Variants in FBLN7 observed in about 807,000 individuals in gnomAD.
The protein encoded by FBLN7 is fibulin 7.
FBLN7 carries 31 observed loss-of-function variants against 44.0 expected under a neutral mutation model. The ratio of observed to expected loss-of-function variants is 0.70; its 90% CI spans 0.53 to 0.95. The LOEUF (loss-of-function observed/expected upper bound fraction) is 0.95, where lower values mean the gene tolerates loss of function less well. FBLN7 is among the 40% of genes least tolerant of loss of function. The pLI, the probability that FBLN7 is intolerant of heterozygous loss-of-function variation, is 0.00. For missense variants in FBLN7, 573 were observed against 618.5 expected (o/e 0.93, Z 0.78); for synonymous variants, 262 against 253.4 (o/e 1.03, Z -0.32).
the FBLN7 span, among the ~76,000 whole-genome samples, chr2:112,200,071 C>T: frequency 6.6e-6 from 1 of 152,184 alleles, no homozygotes; most frequent in Non-Finnish European, 1.5e-5. Context: ...CATATGCAAC[C>T]TCTTTTGCTG....
the FBLN7 span, chr2:112,211,458 T>G: frequency 6.6e-6 from 1 of 152,292 alleles, no homozygotes; most frequent in East Asian, 1.9e-4. Context: ...GAACCACTCT[T>G]TTTCATTGAA....
chr2:112,197,883 A>G, the FBLN7 span, among the ~76,000 whole-genome samples: 1 of 152,194 alleles, frequency 6.6e-6, no homozygotes, highest in South Asian at 2.1e-4. Flanking sequence ...TTTCTGAAAA[A>G]GACATGGACT....
At chr2:112,200,309 T>G in the FBLN7 span, among the ~76,000 whole-genome samples, 2 of 152,156 alleles carry the variant, frequency 1.3e-5, no homozygotes, top group Non-Finnish European at 2.9e-5. Context: ...CAGGAGGAAC[T>G]GTGCAGAGCC....
the FBLN7 span, chr2:112,213,959 T>G: frequency 6.9e-6 from 1 of 145,646 alleles, no homozygotes; most frequent in Non-Finnish European, 1.5e-5. Flanking sequence ...TTTTTTTTTT[T>G]TTTTTTGAGA....
rs1025935167 is a variant in FBLN7, at chr2:112,152,715, C to T, written c.76-6961C>T. ...GTTGGGCCTCCACACTGCCTTCTGC[C>T]TTTGACCTTGAGCTGCAGCATCACC... On this transcript the variant is annotated intron_variant, in intron 1 of 7. Transcript: ENST00000331203. 3.9e-5 allele frequency: 6 copies of T among 152,184 alleles called. No homozygotes were observed. In the South Asian group the frequency reaches 1.2e-3, roughly 32 times the overall value. 9.4% of individuals were successfully genotyped at this position (152,184 alleles called of 1,614,324 possible).
intron 2 of FBLN7, among the ~76,000 whole-genome samples, chr2:112,160,545 G>A (rs1573789112): frequency 6.6e-6 from 1 of 152,232 alleles, no homozygotes; most frequent in South Asian, 2.1e-4. Context: ...TTTCATTTTT[G>A]ATTTTACTTT....
chr2:112,175,602 G>A, intron 3 of FBLN7, 112 bp from the exon 4 acceptor site: 1 of 1,384,028 alleles, frequency 7.2e-7, no homozygotes, highest in South Asian at 1.3e-5. Context: ...CAGGTAGAAA[G>A]TGGGAGTTCT....
At position 112,175,728 on chromosome 2, in the gene FBLN7, T is replaced by C; in HGVS notation, c.421T>C (p.Ser141Pro). Residue 141 changes from serine (S) to proline (P), a missense_variant, in exon 4 of 8, where the codon TCC (serine) becomes CCC (proline). Ser to Pro is a moderately conservative substitution (Grantham distance 74, BLOSUM62 -1). Coordinates refer to ENST00000331203, the MANE Select transcript of FBLN7 (RefSeq NM_153214.3). ...QPHCRGISEC[S>P]SQPCQNGGTC... ...TATCTTCCTAGGTATCAGTGAATGC[T>C]CCAGCCAGCCTTGTCAAAATGGTGG... 1 of 1,614,222 alleles carries C rather than the reference T, an allele frequency of 6.2e-7. No individual in the cohort carries two copies. Among genetic ancestry groups the C allele is most frequent in the Non-Finnish European group, 8.5e-7 (1 of 1,180,032 alleles).
intron 1 of FBLN7, among the ~76,000 whole-genome samples, chr2:112,139,050 C>T (rs1388986704): frequency 1.3e-5 from 1 of 74,088 alleles, no homozygotes; most frequent in Non-Finnish European, 2.8e-5. Context: ...GCCAGCGTCC[C>T]TCCCGCCTCT....
the FBLN7 span, among the ~76,000 whole-genome samples, chr2:112,206,738 T>G: frequency 6.6e-6 from 1 of 150,884 alleles, no homozygotes; most frequent in Non-Finnish European, 1.5e-5. Context: ...TGACTGTTTT[T>G]TTTTTTTTTT....
chr2:112,238,595 A>G, the FBLN7 span: 1 of 1,354,180 alleles, frequency 7.4e-7, no homozygotes, highest in East Asian at 2.3e-5. Flanking sequence ...GCTATACAGA[A>G]GAAACAAGAT....
chr2:112,173,581 A>C (rs1273273142), intron 3 of FBLN7, among the ~76,000 whole-genome samples: 1 of 152,242 alleles, frequency 6.6e-6, no homozygotes, highest in African/African-American at 2.4e-5. Flanking sequence ...GAAATAAAAG[A>C]AAAAAGTTCG....
chr2:112,141,721 G>A (rs571490304), intron 1 of FBLN7, among the ~76,000 whole-genome samples: 1 of 152,352 alleles, frequency 6.6e-6, no homozygotes, highest in Non-Finnish European at 1.5e-5. Flanking sequence ...AGGAGGCAGC[G>A]TGGACAGGAT....
chr2:112,205,476 A>C, the FBLN7 span, among the ~76,000 whole-genome samples: 1 of 152,122 alleles, frequency 6.6e-6, no homozygotes, highest in Non-Finnish European at 1.5e-5. Flanking sequence ...ATTCTAAAAA[A>C]TGTTCAAGTA....
At chr2:112,162,541 CA>C (rs2104570442) in intron 2 of FBLN7, among the ~76,000 whole-genome samples, 1 of 152,270 alleles carries the variant, frequency 6.6e-6, no homozygotes, top group South Asian at 2.1e-4. Flanking sequence ...TCACTCCTTA[CA>C]TGCTAACTTC....
At chr2:112,164,914 T>G (rs1000534857) in intron 2 of FBLN7, 87 bp from the exon 3 acceptor site, 38 of 1,458,864 alleles carry the variant, frequency 2.6e-5, no homozygotes, top group Non-Finnish European at 3.4e-5. Context: ...AGAGGGCACT[T>G]CGAGATGGGA....
rs1293503738 is a variant in FBLN7 at position 112,182,433 on chromosome 2, T to TC, written c.671-358_671-357insC. Among the ~76,000 whole-genome samples, 6 of 152,200 alleles carry TC rather than the reference T, an allele frequency of 3.9e-5. No homozygotes were observed. The East Asian group carries it at 1.2e-3, about 29-fold the overall frequency. ...GAGGATTCCCAAAGATAAAGAGAGT[T>TC]AACATGGGGCTGTTAACCCATCCCT... On this transcript the variant is annotated intron_variant, in intron 5 of 7. Coordinates refer to ENST00000331203, the MANE Select transcript of FBLN7 (RefSeq NM_153214.3).
the FBLN7 span, among the ~76,000 whole-genome samples, chr2:112,238,031 T>C: frequency 2.6e-5 from 4 of 152,156 alleles, no homozygotes; most frequent in East Asian, 1.9e-4. Flanking sequence ...CCTTCACACA[T>C]GCAGAGGCCA....
chr2:112,186,437 C>T (rs1055753813), intron 7 of FBLN7, among the ~76,000 whole-genome samples: 1 of 152,040 alleles, frequency 6.6e-6, no homozygotes, highest in Admixed American at 6.6e-5. Context: ...ATCAGGAGTT[C>T]GAGACCAGCC....
Sources: gnomAD v4.1 joint callset for allele counts (sites outside exome capture counted in the v4.1 genomes callset) on GRCh38, gnomAD v4.1.1 for gene constraint, MANE v1.5 for transcripts, NCBI Gene and HGNC (gene_info 2026-07-23, HGNC 2026-07-21) for gene names.